Variants in CCDC85A observed in about 807,000 individuals in gnomAD.
CCDC85A encodes the protein coiled-coil domain-containing protein 85A.
In CCDC85A, 38 loss-of-function variants were observed where a neutral mutation model predicts 50.2. The observed-to-expected ratio is 0.76, with a 90% CI of 0.58 to 0.99. The LOEUF is 0.99. Among genes scored for constraint, CCDC85A ranks in the 50% least tolerant of loss-of-function variants. The pLI, the probability that CCDC85A is intolerant of heterozygous loss-of-function variation, is 0.00. For synonymous variants in CCDC85A, 366 were observed against 301.4 expected (o/e 1.21, Z -2.22); for missense variants, 820 against 742.0 (o/e 1.11, Z -1.22).
intron 2 of CCDC85A, among the ~76,000 whole-genome samples, chr2:56,263,980 C>G (rs1223854646): frequency 6.6e-6 from 1 of 152,162 alleles, no homozygotes; most frequent in Non-Finnish European, 1.5e-5. Context: ...TTAAAATACG[C>G]TAACACTAAT....
At chr2:56,296,393 T>C (rs1671949601) in intron 2 of CCDC85A, among the ~76,000 whole-genome samples, 1 of 152,174 alleles carries the variant, frequency 6.6e-6, no homozygotes. Flanking sequence ...TTTTCTTCTT[T>C]CCCTTTTCCA....
Position 56,184,898 on chromosome 2 carries a change from A to C in CCDC85A, c.274A>C (p.Lys92Gln). Reference sequence around the variant, plus strand: ...GCACCTCGGCGAGATCCGCGGCCTCAAGGTGAGCGCGGGCCAGGTGGGGAG... The same window carrying C: ...GCACCTCGGCGAGATCCGCGGCCTCCAGGTGAGCGCGGGCCAGGTGGGGAG... ...QLHLGEIRGL[K>Q]DINQKLQEDN... is the part of the protein sequence containing the mutation. Residue 92 changes from lysine to glutamine, a missense_variant and splice_region_variant, in exon 1 of 6, where the codon AAG becomes CAG. Coordinates refer to ENST00000407595, the MANE Select transcript of CCDC85A (RefSeq NM_001080433.2). 1 of 1,508,142 alleles carries C rather than the reference A, an allele frequency of 6.6e-7. No individual in the cohort carries two copies. Among genetic ancestry groups the C allele is most frequent in the South Asian group, 1.3e-5 (1 of 79,642 alleles). 93.4% of individuals were successfully genotyped at this position (1,508,142 alleles called of 1,614,324 possible).
At position 56,219,199 on chromosome 2, in the gene CCDC85A, C is replaced by T. The variant is rs140743448; in HGVS notation, c.1240+25759C>T. Among the ~76,000 whole-genome samples the T allele has an allele frequency of 1.7e-3, 245 of 148,150 alleles. 1 individual carries two copies. The highest frequency in any genetic ancestry group is 5.5e-3 in the Admixed American group (80 of 14,626). On this transcript the variant is annotated intron_variant, in intron 2 of 5. Transcript: ENST00000407595. ...CTACCAAAAGTAGTAGTATAGAGTG[C>T]CTGCAGTGTGCTATGTGTTGCATTA... is the stretch of plus-strand genomic sequence containing the variant.
At chr2:56,274,497 C>G (rs1028841250) in intron 2 of CCDC85A, among the ~76,000 whole-genome samples, 1 of 152,186 alleles carries the variant, frequency 6.6e-6, no homozygotes, top group Non-Finnish European at 1.5e-5. Context: ...GGGAGAATTG[C>G]TTCCTTTTCA....
intron 2 of CCDC85A, among the ~76,000 whole-genome samples, chr2:56,241,322 A>G (rs1669247500): frequency 6.6e-6 from 1 of 152,166 alleles, no homozygotes; most frequent in African/African-American, 2.4e-5. Context: ...TTGTGTTACA[A>G]ACAATCCAGT....
In CCDC85A at chr2:56,184,524, G is replaced by C. The variant is rs1354901935; in HGVS notation, c.-101G>C. The C allele has an allele frequency of 1.6e-6, 2 of 1,228,510 alleles. No homozygotes were observed. The highest frequency in any genetic ancestry group is 1.6e-5 in the African/African-American group (1 of 63,084). 76.1% of individuals were successfully genotyped at this position (1,228,510 alleles called of 1,614,324 possible). On this transcript the variant is annotated 5_prime_UTR_variant, in exon 1 of 6. Transcript: ENST00000407595. ...CCTGGGCGGTGCCGCTGACTCGCCG[G>C]AGCGCACAGGGGTGTGGGCGGAGGC...
rs1301612899 is a variant in CCDC85A at position 56,304,912 on chromosome 2, C to A, written c.1241-37967C>A. On this transcript the variant is annotated intron_variant, in intron 2 of 5. Transcript: ENST00000407595. The stretch of plus-strand genomic sequence containing the variant: ...AAATATAACTAAAAAAAACAAAAAA[C>A]AAAAAACAAACAAACAAACAAACAA... 8.1e-3 allele frequency among the ~76,000 whole-genome samples: 1,142 copies of A among 140,756 alleles called. 17 individuals are homozygous for A. Among genetic ancestry groups the A allele is most frequent in the African/African-American group, 0.029 (1,058 of 36,260 alleles). 92.3% of individuals were successfully genotyped at this position (140,756 alleles called of 152,430 possible). A position where few individuals can be genotyped will look rare whatever the true frequency, so the allele number is the denominator to read the frequency against.
intron 2 of CCDC85A, among the ~76,000 whole-genome samples, chr2:56,324,158 C>T (rs537037693): frequency 2.8e-4 from 43 of 152,028 alleles, no homozygotes; most frequent in African/African-American, 2.4e-5. Flanking sequence ...ATTTAAGAAG[C>T]CTTTCTCAGT....
chr2:56,337,291 A>AT, intron 2 of CCDC85A, among the ~76,000 whole-genome samples: 1 of 152,342 alleles, frequency 6.6e-6, no homozygotes, highest in Admixed American at 6.5e-5. Context: ...TGAGGATGTC[A>AT]TTGGATTTTC....
At chr2:56,329,943 CTG>C (rs1558644349) in intron 2 of CCDC85A, among the ~76,000 whole-genome samples, 1 of 22,890 alleles carries the variant, frequency 4.4e-5, no homozygotes, top group African/African-American at 1.4e-4. Flanking sequence ...TACAGATTTC[CTG>C]TTTTTTTTTT....
At chr2:56,277,452 G>GA (rs1464567645) in intron 2 of CCDC85A, among the ~76,000 whole-genome samples, 3 of 151,534 alleles carry the variant, frequency 2.0e-5, no homozygotes, top group East Asian at 1.9e-4. Context: ...TTTTAGAGCT[G>GA]AAAAAAAACC....
At chr2:56,266,889 A>G (rs780497084) in intron 2 of CCDC85A, among the ~76,000 whole-genome samples, 1 of 152,196 alleles carries the variant, frequency 6.6e-6, no homozygotes, top group Non-Finnish European at 1.5e-5. Flanking sequence ...ATTAAGGCTG[A>G]AACTATTAAC....
intron 2 of CCDC85A, among the ~76,000 whole-genome samples, chr2:56,205,653 C>G (rs1169014688): frequency 2.6e-5 from 4 of 152,132 alleles, no homozygotes; most frequent in African/African-American, 4.8e-5. Context: ...TAGTAGGAAA[C>G]CAAATTATGT....
intron 2 of CCDC85A, among the ~76,000 whole-genome samples, chr2:56,286,439 A>G (rs1671447893): frequency 1.3e-5 from 2 of 152,068 alleles, no homozygotes; most frequent in African/African-American, 4.8e-5. Context: ...ATGTTCTTCA[A>G]ATTGGATAAT....
intron 2 of CCDC85A, among the ~76,000 whole-genome samples, chr2:56,329,486 A>C (rs1191715244): frequency 1.3e-5 from 2 of 152,222 alleles, no homozygotes; most frequent in Non-Finnish European, 2.9e-5. Flanking sequence ...AATATATGAA[A>C]AATTCCAACG....
At chr2:56,205,903 G>A (rs1676939668) in intron 2 of CCDC85A, among the ~76,000 whole-genome samples, 1 of 152,152 alleles carries the variant, frequency 6.6e-6, no homozygotes, top group South Asian at 2.1e-4. Flanking sequence ...GGTGCTGTGA[G>A]CCTGGGAGAT....
chr2:56,242,598 C>T (rs1669311203), intron 2 of CCDC85A, among the ~76,000 whole-genome samples: 1 of 152,160 alleles, frequency 6.6e-6, no homozygotes, highest in Non-Finnish European at 1.5e-5. Context: ...ACACCTCCCA[C>T]CAAGTCCCCA....
chr2:56,221,914 C>T (rs1302289488), intron 2 of CCDC85A, among the ~76,000 whole-genome samples: 1 of 152,016 alleles, frequency 6.6e-6, no homozygotes, highest in Non-Finnish European at 1.5e-5. Context: ...TGGTATCTGG[C>T]AAGGGTCATT....
In CCDC85A at chr2:56,214,976, A is replaced by T. The variant is rs540469671; in HGVS notation, c.1240+21536A>T. Among the ~76,000 whole-genome samples, 14 of 152,086 alleles carry T rather than the reference A, an allele frequency of 9.2e-5. No individual in the cohort carries two copies. In the East Asian group the frequency reaches 2.5e-3, roughly 27 times the overall value. On this transcript the variant is annotated intron_variant, in intron 2 of 5. Transcript: ENST00000407595. ...TCAAGTTGGGAAGAATTGATACTTT[A>T]ACAGTATTGAGTCTTCCAATCCATG...
Sources: allele counts gnomAD v4.1 joint callset (sites outside exome capture counted in the v4.1 genomes callset), GRCh38; gene constraint gnomAD v4.1.1; transcripts MANE v1.5; gene names NCBI Gene and HGNC (gene_info 2026-07-23, HGNC 2026-07-21).